Variants in GON4L observed in about 807,000 individuals in gnomAD.
GON4L encodes the protein gon-4 like, also known as GON-4-like protein.
Under a neutral mutation model 211.8 loss-of-function variants are expected in GON4L, and 87 were observed. The ratio of observed to expected loss-of-function variants is 0.41; its 90% CI spans 0.35 to 0.49. The LOEUF is 0.49. Ranked by LOEUF, GON4L falls within the 20% of genes least tolerant of loss-of-function variation. The probability of loss-of-function intolerance (pLI) is 0.15; values close to 1 mark genes in which losing one functional copy is unlikely to be tolerated. For synonymous variants in GON4L, 875 were observed against 962.6 expected, an observed-to-expected ratio of 0.91 and a Z score of 1.68; for missense variants, 2,155 against 2,659.5, an observed-to-expected ratio of 0.81 and a Z score of 4.17.
At chr1:155,800,708 TGGGCATGGTA>T (rs889241576) in intron 11 of GON4L, among the ~76,000 whole-genome samples, 1 of 151,590 alleles carries the variant, frequency 6.6e-6, no homozygotes, top group Non-Finnish European at 1.5e-5. Flanking sequence ...AAAAATTAGC[TGGGCATGGTA>T]GCGCGTACCT....
chr1:155,818,637 A>T (rs1012248958), intron 6 of GON4L, among the ~76,000 whole-genome samples: 6 of 152,220 alleles, frequency 3.9e-5, no homozygotes, highest in Non-Finnish European at 7.3e-5. Context: ...TGTAATCTGG[A>T]ACACTGTGGA....
At position 155,753,190 on chromosome 1, in the gene GON4L, G is replaced by A; in HGVS notation, c.5842+14C>T. The A allele has an allele frequency of 6.3e-7, 1 of 1,596,932 alleles. No homozygotes were observed. The highest frequency in any genetic ancestry group is 1.1e-5 in the South Asian group (1 of 90,706). On this transcript the variant is annotated intron_variant, in intron 29 of 31. Transcript: ENST00000368331. ...GACTGAGGAACAGAAGGGCTGCGTT[G>A]GCAAATCACTCACCTGAAACAGGCA...
At chr1:155,788,627 T>C (rs1428320315) in intron 12 of GON4L, among the ~76,000 whole-genome samples, 3 of 152,150 alleles carry the variant, frequency 2.0e-5, no homozygotes, top group East Asian at 3.8e-4. Flanking sequence ...CTGTAGTATA[T>C]ATACACAACG....
Position 155,763,404 on chromosome 1 carries a change from G to A in GON4L, c.4634C>T (p.Thr1545Met), listed in dbSNP as rs750750644. The A allele has an allele frequency of 9.4e-6, 15 of 1,602,576 alleles. No homozygotes were observed. In the Admixed American group the frequency reaches 1.2e-4, roughly 13 times the overall value. ...AGCAGAGTCTCCAACTGCTTCATCCGTCATTTCATCCTCTTTCTGCAGGCT... is the reference window on the plus strand; with the variant it reads ...AGCAGAGTCTCCAACTGCTTCATCCATCATTTCATCCTCTTTCTGCAGGCT... ...MESLQKEDEM[T>M]DEAVGDSAEK... The change falls in exon 22 of 32, where the codon ACG becomes ATG. Residue 1545 changes from threonine to methionine, a missense_variant. Around this residue, in one of 6 missense-constraint regions of GON4L, gnomAD observed 455 missense variants for 504.6 expected, o/e 0.90. Transcript: ENST00000368331.
intron 5 of GON4L, 61 bp downstream of exon 5, chr1:155,821,413 T>C: frequency 9.6e-7 from 1 of 1,042,554 alleles, no homozygotes. Context: ...CCTCCTACCC[T>C]TAGCCAGTTT....
At chr1:155,845,788 A>T (rs146193774) in intron 2 of GON4L, 1 of 258,988 alleles carries the variant, frequency 3.9e-6, no homozygotes, top group African/African-American at 2.3e-5. Flanking sequence ...CATATATTTC[A>T]GTAGAAGTCT....
In GON4L at chr1:155,762,281, T is replaced by G; in HGVS notation, c.4820A>C (p.Lys1607Thr). ...GTCCTCATCATACAGCAACAGCAGCTTGGAGGTGTCCTTGCTGGCCCGAGC... is the reference window on the plus strand; with the variant it reads ...GTCCTCATCATACAGCAACAGCAGCGTGGAGGTGTCCTTGCTGGCCCGAGC... Reference protein sequence around the residue: ...SRARASKDTSKLLLLYDEDIL... With the variant: ...SRARASKDTSTLLLLYDEDIL... Residue 1607 changes from lysine to threonine, a missense_variant, in exon 23 of 32, where the codon AAG becomes ACG. By Grantham distance (78) the Lys-to-Thr change is moderately conservative. Around this residue, in one of 6 missense-constraint regions of GON4L, gnomAD observed 455 missense variants for 504.6 expected, o/e 0.90. Coordinates refer to ENST00000368331, the MANE Select transcript of GON4L (RefSeq NM_001282860.2). 5 of 1,613,538 alleles carry G rather than the reference T, an allele frequency of 3.1e-6. No individual in the cohort carries two copies. Among genetic ancestry groups the G allele is most frequent in the Non-Finnish European group, 4.2e-6 (5 of 1,179,658 alleles).
At chr1:155,768,892 C>T (rs78583795) in intron 19 of GON4L, among the ~76,000 whole-genome samples, 241 of 152,214 alleles carry the variant, frequency 1.6e-3, no homozygotes, top group Admixed American at 3.9e-3. Context: ...CTTGATAAAC[C>T]GTATTCTGCT....
intron 23 of GON4L, among the ~76,000 whole-genome samples, chr1:155,760,990 T>C (rs1661724909): frequency 6.6e-6 from 1 of 152,154 alleles, no homozygotes; most frequent in South Asian, 2.1e-4. Context: ...TATTTCAGCA[T>C]GGGCGTAATT....
At chr1:155,755,911 A>AT (rs1329198753) in intron 27 of GON4L, among the ~76,000 whole-genome samples, 1 of 152,030 alleles carries the variant, frequency 6.6e-6, no homozygotes, top group African/African-American at 2.4e-5. Context: ...TCCCAAGGTC[A>AT]TACAGCTACT....
chr1:155,778,624 C>A (rs980033987), intron 14 of GON4L, among the ~76,000 whole-genome samples: 1 of 152,076 alleles, frequency 6.6e-6, no homozygotes, highest in Non-Finnish European at 1.5e-5. Flanking sequence ...AAACGTGCAC[C>A]TTGGTGGTTT....
At chr1:155,792,890 G>A (rs1465507726) in intron 12 of GON4L, among the ~76,000 whole-genome samples, 1 of 152,044 alleles carries the variant, frequency 6.6e-6, no homozygotes, top group East Asian at 1.9e-4. Flanking sequence ...CCAAGTAGCT[G>A]GGACTACGGG....
chr1:155,820,059 G>A (rs777304281), intron 6 of GON4L, among the ~76,000 whole-genome samples: 2 of 152,082 alleles, frequency 1.3e-5, no homozygotes, highest in African/African-American at 2.4e-5. Context: ...GATTATAGGC[G>A]CACACCACCA....
chr1:155,781,405 C>G (rs1664410356), intron 14 of GON4L, among the ~76,000 whole-genome samples: 1 of 151,904 alleles, frequency 6.6e-6, no homozygotes, highest in Admixed American at 6.6e-5. Flanking sequence ...TTCGGCATCC[C>G]AAAGTGCTGG....
At chr1:155,811,354 T>C (rs765754520) in intron 10 of GON4L, among the ~76,000 whole-genome samples, 4 of 111,628 alleles carry the variant, frequency 3.6e-5, no homozygotes, top group Non-Finnish European at 4.9e-5. Flanking sequence ...ATCGCACCAC[T>C]GCACTCCAGC....
intron 30 of GON4L, 23 bp downstream of exon 30, chr1:155,751,937 A>C: frequency 6.2e-7 from 1 of 1,612,500 alleles, no homozygotes; most frequent in African/African-American, 1.3e-5. Context: ...TTTTCCAAAC[A>C]CACGTCATCC....
chr1:155,760,681 G>T, intron 23 of GON4L, 40 bp from the exon 24 acceptor site: 1 of 1,382,682 alleles, frequency 7.2e-7, no homozygotes, highest in Non-Finnish European at 1.0e-6. Context: ...CCCTTTATTT[G>T]GGCCACAACA....
chr1:155,768,480 T>G (rs925426120), intron 19 of GON4L, among the ~76,000 whole-genome samples: 78 of 150,854 alleles, frequency 5.2e-4, no homozygotes, highest in Admixed American at 9.9e-4. Context: ...GCGTGGTGGC[T>G]GGTGCCTGTA....
chr1:155,808,742 G>C (rs1022046826), intron 10 of GON4L, among the ~76,000 whole-genome samples: 3 of 151,866 alleles, frequency 2.0e-5, no homozygotes, highest in Non-Finnish European at 4.4e-5. Flanking sequence ...CCAAGTAGCT[G>C]AGGCTACAGG....
Sources: allele counts gnomAD v4.1 joint callset (sites outside exome capture counted in the v4.1 genomes callset), GRCh38; gene constraint gnomAD v4.1.1; regional missense constraint gnomAD v4.1.1; transcripts MANE v1.5; gene names NCBI Gene and HGNC (gene_info 2026-07-23, HGNC 2026-07-21).